The following AKR1B15 variants were observed in gnomAD, a reference collection of about 807,000 sequenced individuals.
AKR1B15 encodes the protein estradiol 17-beta-dehydrogenase AKR1B15.
A neutral mutation model predicts 38.5 loss-of-function variants in AKR1B15; 49 were observed. The ratio of observed to expected loss-of-function variants is 1.27; its 90% CI spans 1.01 to 1.62. The LOEUF (loss-of-function observed/expected upper bound fraction) is 1.62, where lower values mean the gene tolerates loss of function less well. Among genes scored for constraint, AKR1B15 ranks in the 40% most tolerant of loss-of-function variants. AKR1B15 has a pLI of 0.00. For missense variants in AKR1B15, 411 were observed against 381.6 expected (o/e 1.08, Z -0.64); for synonymous variants, 137 against 135.5 (o/e 1.01, Z -0.08).
rs1343872921 is a variant in AKR1B15 at position 134,571,686 on chromosome 7, G to A, written c.513+5G>A. ...ACGTTCTTGGATGCCTGGGAGGTAG[G>A]TTCCAGCTTTGTCTAAGTGTGCTGG... On this transcript the variant is annotated splice_donor_5th_base_variant and intron_variant, in intron 6 of 11. Coordinates refer to ENST00000457545, the MANE Select transcript of AKR1B15 (RefSeq NM_001080538.3). The A allele has an allele frequency of 3.1e-6, 5 of 1,611,990 alleles. No individual in the cohort carries two copies. The highest frequency in any genetic ancestry group is 1.6e-4 in the Middle Eastern group (1 of 6,072).
rs562852832 is a variant in AKR1B15 at position 134,554,961 on chromosome 7, T to C, written c.-146-1775T>C. 3.9e-5 allele frequency among the ~76,000 whole-genome samples: 6 copies of C among 152,216 alleles called. No homozygotes were observed. In the South Asian group the frequency reaches 1.0e-3, roughly 26 times the overall value. ...GGACAAGTAGAATGCATGAACCCCA[T>C]CCTAAAAAGTACTCTTGCAAAATTA... is the stretch of plus-strand genomic sequence containing the variant. On this transcript the variant is annotated intron_variant, in intron 1 of 11. Transcript: ENST00000457545.
intron 1 of AKR1B15, among the ~76,000 whole-genome samples, chr7:134,553,241 A>G (rs1235213645): frequency 6.6e-6 from 1 of 152,144 alleles, no homozygotes; most frequent in African/African-American, 2.4e-5. Flanking sequence ...AAATTGCCAA[A>G]CCCCTGTACA....
At chr7:134,576,542 A>G in intron 9 of AKR1B15, 112 bp downstream of exon 9, 1 of 1,253,998 alleles carries the variant, frequency 8.0e-7, no homozygotes, top group Non-Finnish European at 1.1e-6. Flanking sequence ...ACAGGAGCTG[A>G]AGCCCTCTAA....
intron 6 of AKR1B15, among the ~76,000 whole-genome samples, chr7:134,574,938 G>A (rs1199075015): frequency 3.9e-5 from 6 of 152,238 alleles, no homozygotes; most frequent in East Asian, 3.8e-4. Context: ...AGGACCCACA[G>A]GTGAGGCTTC....
chr7:134,574,384 T>A (rs1221920635), intron 6 of AKR1B15, among the ~76,000 whole-genome samples: 2 of 152,160 alleles, frequency 1.3e-5, no homozygotes, highest in Non-Finnish European at 2.9e-5. Context: ...GTTTGTTTGT[T>A]TGTTTTTTGA....
chr7:134,574,071 T>C (rs1794715511), intron 6 of AKR1B15, among the ~76,000 whole-genome samples: 2 of 152,148 alleles, frequency 1.3e-5, no homozygotes, highest in Non-Finnish European at 2.9e-5. Flanking sequence ...AAATTTTTTT[T>C]TTTGGTAGAG....
intron 1 of AKR1B15, among the ~76,000 whole-genome samples, chr7:134,554,903 A>G (rs914888537): frequency 2.0e-5 from 3 of 152,160 alleles, no homozygotes; most frequent in African/African-American, 7.2e-5. Context: ...CATTCAATGG[A>G]AACTCCATTG....
At chr7:134,577,659 A>G in intron 10 of AKR1B15, 45 bp from the exon 11 acceptor site, 1 of 1,594,712 alleles carries the variant, frequency 6.3e-7, no homozygotes, top group South Asian at 1.1e-5. Flanking sequence ...CAGCCACAGC[A>G]GTAACAGCCT....
chr7:134,562,149 T>G (rs755022503), intron 2 of AKR1B15, among the ~76,000 whole-genome samples: 1 of 151,990 alleles, frequency 6.6e-6, no homozygotes, highest in African/African-American at 2.4e-5. Flanking sequence ...GTGTCTGGAG[T>G]TGATTCCTTC....
chr7:134,550,572 T>C lies in AKR1B15; in HGVS notation c.-147+1323T>C, dbSNP rs371336866. Among the ~76,000 whole-genome samples, 37 of 152,304 alleles carry C rather than the reference T, an allele frequency of 2.4e-4. 1 individual carries two copies. The highest frequency in any genetic ancestry group is 7.9e-4 in the African/African-American group (33 of 41,554). ...GACAGACCTTATGTGGCAAGAAATA[T>C]TGGCTATAGTTGTTTTCCTACTTCT... On this transcript the variant is annotated intron_variant, in intron 1 of 11. Transcript: ENST00000457545.
At chr7:134,567,119 G>A (rs1055705521) in intron 3 of AKR1B15, among the ~76,000 whole-genome samples, 1 of 152,200 alleles carries the variant, frequency 6.6e-6, no homozygotes, top group Admixed American at 6.5e-5. Flanking sequence ...TAGATGCCAG[G>A]TGGCAGCCCG....
chr7:134,573,582 A>C, intron 6 of AKR1B15: 3 of 979,304 alleles, frequency 3.1e-6, no homozygotes, highest in Non-Finnish European at 3.6e-6. Context: ...GTTCAGTAGA[A>C]ACCTCATTGA....
At position 134,575,406 on chromosome 7, in the gene AKR1B15, C is replaced by A. The variant is rs945390811; in HGVS notation, c.514-14C>A. 20 of 1,613,366 alleles carry A rather than the reference C, an allele frequency of 1.2e-5. No individual in the cohort carries two copies. Among genetic ancestry groups the A allele is most frequent in the Non-Finnish European group, 1.6e-5 (19 of 1,179,676 alleles). ...CCTCTAGAGCTGCCCATAAGGTATT[C>A]CTTTCTATGATAGGCCATGGAGGAG... On this transcript the variant is annotated splice_polypyrimidine_tract_variant and intron_variant, in intron 6 of 11. Transcript: ENST00000457545.
intron 7 of AKR1B15, 59 bp downstream of exon 7, chr7:134,575,601 G>T (rs1419619855): frequency 1.2e-6 from 2 of 1,606,148 alleles, no homozygotes; most frequent in African/African-American, 2.7e-5. Flanking sequence ...AAACATTGCG[G>T]GGGGAATGTT....
intron 7 of AKR1B15, 39 bp from the exon 8 acceptor site, chr7:134,575,782 G>T: frequency 6.2e-7 from 1 of 1,610,246 alleles, no homozygotes. Flanking sequence ...GCAAAACAGA[G>T]CCGGCTTTCC....
Position 134,576,972 on chromosome 7 carries a change from C to G in AKR1B15, c.835C>G (p.Arg279Gly). 2 of 1,613,636 alleles carry G rather than the reference C, an allele frequency of 1.2e-6. No homozygotes were observed. Among genetic ancestry groups the G allele is most frequent in the Non-Finnish European group, 1.7e-6 (2 of 1,179,602 alleles). The part of the protein sequence containing the change: ...HKKTTAQVLI[R>G]FHIQRNVTVI... ...TCCCCTTTCTGCACAGGTTCTGATC[C>G]GTTTCCATATCCAGAGGAATGTGAC... Residue 279 changes from arginine to glycine, a missense_variant, in exon 10 of 12, where the codon CGT (arginine) becomes GGT (glycine). By Grantham distance (125) the Arg-to-Gly change is moderately radical. This residue lies in a region of AKR1B15 where 133 missense variants were observed against 120.3 expected (regional missense o/e 1.11). Transcript: ENST00000457545.
intron 10 of AKR1B15, 22 bp from the exon 11 acceptor site, chr7:134,577,682 A>G (rs1412116722): frequency 2.5e-6 from 4 of 1,611,282 alleles, no homozygotes; most frequent in Non-Finnish European, 3.4e-6. Context: ...CCGATAATGT[A>G]TTGGAATTCT....
In AKR1B15 at chr7:134,566,985, T is replaced by C. The variant is rs192933279; in HGVS notation, c.151-1173T>C. On this transcript the variant is annotated intron_variant, in intron 3 of 11. Coordinates refer to ENST00000457545, the MANE Select transcript of AKR1B15 (RefSeq NM_001080538.3). ...CTAGACAGTTTCAGAATTTTGGAAT[T>C]GAATGTAAGAATTATGAAGGGAGCT... Among the ~76,000 whole-genome samples the C allele has an allele frequency of 2.0e-5, 3 of 152,284 alleles. No individual in the cohort carries two copies. The East Asian group carries it at 5.8e-4, about 29-fold the overall frequency.
intron 6 of AKR1B15, among the ~76,000 whole-genome samples, chr7:134,575,130 T>C (rs1260061966): frequency 6.6e-6 from 1 of 152,222 alleles, no homozygotes; most frequent in Non-Finnish European, 1.5e-5. Flanking sequence ...ATTTCCATGG[T>C]GTATGGAACT....
Sources: gnomAD v4.1 joint callset for allele counts (sites outside exome capture counted in the v4.1 genomes callset) on GRCh38, gnomAD v4.1.1 for gene constraint, gnomAD v4.1.1 regional missense constraint, MANE v1.5 for transcripts, NCBI Gene and HGNC (gene_info 2026-07-23, HGNC 2026-07-21) for gene names.